The following PPARGC1A variants were observed in gnomAD, a reference collection of about 807,000 sequenced individuals.
PPARGC1A encodes the protein PPARG coactivator 1 alpha, also known as peroxisome proliferator-activated receptor gamma coactivator 1-alpha.
A neutral mutation model predicts 88.7 loss-of-function variants in PPARGC1A; 25 were observed. That is an observed-to-expected ratio of 0.28 (90% CI 0.21 to 0.39). PPARGC1A has a LOEUF of 0.39. Ranked by LOEUF, PPARGC1A falls within the 10% of genes least tolerant of loss-of-function variation. PPARGC1A has a pLI of 1.00. For missense variants in PPARGC1A, 880 were observed against 968.7 expected (o/e 0.91, Z 1.22); for synonymous variants, 363 against 355.6 (o/e 1.02, Z -0.24).
chr4:24,312,282 T>C, the PPARGC1A span, among the ~76,000 whole-genome samples: 1 of 152,202 alleles, frequency 6.6e-6, no homozygotes, highest in Non-Finnish European at 1.5e-5. Context: ...AGCTTCTCTT[T>C]AGCCTCCGTC....
chr4:24,384,891 A>T, the PPARGC1A span, among the ~76,000 whole-genome samples: 11 of 152,324 alleles, frequency 7.2e-5, no homozygotes, highest in Non-Finnish European at 1.3e-4. Context: ...GACCAAGCAG[A>T]CCTAATAGAC....
chr4:24,055,477 G>A, the PPARGC1A span, among the ~76,000 whole-genome samples: 49 of 152,078 alleles, frequency 3.2e-4, no homozygotes, highest in Admixed American at 1.2e-3. Context: ...GATGTTTATC[G>A]AACAACTATA....
the PPARGC1A span, among the ~76,000 whole-genome samples, chr4:24,349,415 A>G: frequency 1.3e-5 from 2 of 152,154 alleles, no homozygotes; most frequent in South Asian, 4.1e-4. Flanking sequence ...GGGAAGGGCC[A>G]TCAGGTGGGG....
chr4:24,298,965 C>A, the PPARGC1A span, among the ~76,000 whole-genome samples: 1 of 152,184 alleles, frequency 6.6e-6, no homozygotes, highest in African/African-American at 2.4e-5. Flanking sequence ...ACCTAAACAA[C>A]TCCTCTTCCT....
chr4:24,201,025 C>T, the PPARGC1A span, among the ~76,000 whole-genome samples: 2 of 152,112 alleles, frequency 1.3e-5, no homozygotes, highest in South Asian at 2.1e-4. Context: ...ATAGGGGATA[C>T]CTACCAGCTA....
At chr4:23,902,038 G>A (rs115402907), upstream of PPARGC1A, among the ~76,000 whole-genome samples, 1,263 of 152,002 alleles carry the variant, frequency 8.3e-3, 8 homozygotes, top group Non-Finnish European at 0.011. Flanking sequence ...ATGTTCTACA[G>A]ATATAAAATA....
the PPARGC1A span, among the ~76,000 whole-genome samples, chr4:24,028,774 G>T: frequency 6.6e-6 from 1 of 152,158 alleles, no homozygotes; most frequent in Non-Finnish European, 1.5e-5. Context: ...ATGCAAGCTG[G>T]TCTGTATCCT....
At chr4:24,387,826 G>GAAAGAAAGAAAGAAAGAA in the PPARGC1A span, among the ~76,000 whole-genome samples, 29 of 53,086 alleles carry the variant, frequency 5.5e-4, no homozygotes, top group South Asian at 1.5e-3. Flanking sequence ...GAAAGAAAGA[G>GAAAGAAAGAAAGAAAGAA]AGAAAGAGAG....
the PPARGC1A span, among the ~76,000 whole-genome samples, chr4:24,100,834 G>C: frequency 6.6e-6 from 1 of 152,080 alleles, no homozygotes; most frequent in Non-Finnish European, 1.5e-5. Flanking sequence ...GCATTATGAC[G>C]GGAACTGCAA....
the PPARGC1A span, among the ~76,000 whole-genome samples, chr4:24,451,219 C>T: frequency 6.6e-6 from 1 of 152,142 alleles, no homozygotes; most frequent in African/African-American, 2.4e-5. Context: ...TATATTTGTA[C>T]TGTGTCTTAT....
the PPARGC1A span, among the ~76,000 whole-genome samples, chr4:24,427,572 G>T: frequency 6.6e-6 from 1 of 152,154 alleles, no homozygotes; most frequent in African/African-American, 2.4e-5. Context: ...TCAAGAGTCT[G>T]CAGAGCCAGT....
the PPARGC1A span, among the ~76,000 whole-genome samples, chr4:23,913,242 T>TTA: frequency 5.9e-3 from 557 of 94,468 alleles, 1 homozygote; most frequent in Admixed American, 8.4e-3. Context: ...ATTATATATT[T>TTA]TATATATATA....
the PPARGC1A span, among the ~76,000 whole-genome samples, chr4:24,172,628 A>T: frequency 6.6e-6 from 1 of 152,194 alleles, no homozygotes; most frequent in Non-Finnish European, 1.5e-5. Flanking sequence ...GCTGAATGTG[A>T]AAGTGAATGC....
chr4:24,283,108 T>C, the PPARGC1A span, among the ~76,000 whole-genome samples: 1 of 152,170 alleles, frequency 6.6e-6, no homozygotes, highest in Non-Finnish European at 1.5e-5. Flanking sequence ...CTGATTCCTC[T>C]ACAAGCCACC....
At chr4:23,941,114 A>G in the PPARGC1A span, among the ~76,000 whole-genome samples, 1 of 152,176 alleles carries the variant, frequency 6.6e-6, no homozygotes, top group Admixed American at 6.5e-5. Context: ...ACAATGGTGC[A>G]GTCATAGCTC....
At chr4:24,364,727 G>C in the PPARGC1A span, among the ~76,000 whole-genome samples, 1 of 152,044 alleles carries the variant, frequency 6.6e-6, no homozygotes, top group Admixed American at 6.5e-5. Flanking sequence ...ATGTATTTGT[G>C]TATACGTGTG....
chr4:24,357,430 A>T, the PPARGC1A span, among the ~76,000 whole-genome samples: 3 of 152,348 alleles, frequency 2.0e-5, no homozygotes, highest in East Asian at 5.8e-4. Flanking sequence ...TAATCAAAGC[A>T]TTCAAGTAAT....
the PPARGC1A span, among the ~76,000 whole-genome samples, chr4:24,180,089 T>G: frequency 1.3e-5 from 2 of 152,208 alleles, no homozygotes; most frequent in Non-Finnish European, 2.9e-5. Context: ...GACTACATGT[T>G]GAATTTGAGC....
At chr4:24,268,674 G>A in the PPARGC1A span, among the ~76,000 whole-genome samples, 1 of 152,124 alleles carries the variant, frequency 6.6e-6, no homozygotes, top group African/African-American at 2.4e-5. Flanking sequence ...TGCATGTCAA[G>A]AGAATCAATC....
Sources: gnomAD v4.1 joint callset for allele counts (sites outside exome capture counted in the v4.1 genomes callset) on GRCh38, gnomAD v4.1.1 for gene constraint, MANE v1.5 for transcripts, NCBI Gene and HGNC (gene_info 2026-07-23, HGNC 2026-07-21) for gene names.